Variants in IL36B observed in about 807,000 individuals in gnomAD.
IL36B encodes interleukin 36 beta.
IL36B carries 23 observed loss-of-function variants against 19.3 expected under a neutral mutation model. The observed-to-expected ratio is 1.19, with a 90% CI of 0.86 to 1.69. IL36B has a LOEUF of 1.69. Ranked by LOEUF, IL36B falls within the 40% of genes most tolerant of loss-of-function variation. IL36B has a pLI of 0.00. For missense variants in IL36B, 217 were observed against 200.5 expected (o/e 1.08, Z -0.50); for synonymous variants, 59 against 59.7 (o/e 0.99, Z 0.05).
rs1043147412 is a variant in IL36B at position 113,031,285 on chromosome 2, C to G, written c.14-130G>C. 3 of 678,142 alleles carry G rather than the reference C, an allele frequency of 4.4e-6. No individual in the cohort carries two copies. In the African/African-American group the frequency reaches 5.3e-5, roughly 12 times the overall value. 42.0% of individuals were successfully genotyped at this position (678,142 alleles called of 1,614,324 possible). ...TTGCTCTGAGAAGTAGTGGCTATAA[C>G]GATAAATGGAGGGGAAATAGGGCAG... is the stretch of plus-strand genomic sequence containing the variant. On this transcript the variant is annotated intron_variant, in intron 2 of 5. Coordinates refer to ENST00000259213, the MANE Select transcript of IL36B (RefSeq NM_014438.5).
intron 1 of IL36B, among the ~76,000 whole-genome samples, chr2:113,040,374 T>C (rs572208375): frequency 1.1e-4 from 17 of 152,356 alleles, no homozygotes; most frequent in Non-Finnish European, 2.2e-4. Context: ...TTTTCCACTT[T>C]TGTTCAACAT....
In IL36B at chr2:113,028,992, C is replaced by A. The variant is rs761943604; in HGVS notation, c.208G>T (p.Asp70Tyr). Residue 70 changes from aspartate (D) to tyrosine (Y), a missense_variant, in exon 4 of 6, where the codon GAT (aspartate) becomes TAT (tyrosine). Coordinates refer to ENST00000259213, the MANE Select transcript of IL36B (RefSeq NM_014438.5). ...ATTTCTGCACAGAAGAGACAGAGAT[C>A]TTTTCCCTTGATTCCCAGGTAAACC... is the stretch of plus-strand genomic sequence containing the variant. The A allele has an allele frequency of 1.2e-5, 19 of 1,614,054 alleles. No homozygotes were observed. The highest frequency in any genetic ancestry group is 3.3e-5 in the Admixed American group (2 of 60,012).
chr2:113,031,735 A>G lies in IL36B; in HGVS notation c.-26T>C. 6.3e-7 allele frequency: 1 copy of G among 1,592,926 alleles called. No homozygotes were observed. Among genetic ancestry groups the G allele is most frequent in the Admixed American group, 1.7e-5 (1 of 59,948 alleles). On this transcript the variant is annotated 5_prime_UTR_variant, in exon 2 of 6. Coordinates refer to ENST00000259213, the MANE Select transcript of IL36B (RefSeq NM_014438.5). ...GATGTCTTCAGAGCCTTTTGTGAAG[A>G]GAACAAGATAGATCAGATGGTGGTG... is the stretch of plus-strand genomic sequence containing the variant.
intron 1 of IL36B, among the ~76,000 whole-genome samples, chr2:113,050,393 G>A (rs750286865): frequency 2.3e-4 from 35 of 152,012 alleles, no homozygotes; most frequent in Non-Finnish European, 4.1e-4. Flanking sequence ...GGCGCCTAAA[G>A]CAGTCAAATT....
Position 113,031,103 on chromosome 2 carries a change from C to T in IL36B, c.66G>A (p.Trp22Ter). ...CTATTAAAGAATTTCCACTCAGGACCCACACCATCTGTCGAGAATCACGAA... is the reference window on the plus strand; with the variant it reads ...CTATTAAAGAATTTCCACTCAGGACTCACACCATCTGTCGAGAATCACGAA... Residue 22 changes from tryptophan (W) to a stop codon, truncating the protein, a stop_gained, in exon 3 of 6, where the codon TGG becomes TGA. Transcript: ENST00000259213. LOFTEE classifies it high-confidence loss of function. The T allele has an allele frequency of 6.2e-7, 1 of 1,614,158 alleles. No individual in the cohort carries two copies. Among genetic ancestry groups the T allele is most frequent in the Non-Finnish European group, 8.5e-7 (1 of 1,180,008 alleles).
At chr2:113,030,463 G>A (rs1685050647) in intron 3 of IL36B, among the ~76,000 whole-genome samples, 1 of 152,160 alleles carries the variant, frequency 6.6e-6, no homozygotes, top group South Asian at 2.1e-4. Flanking sequence ...ACAAGAAAAT[G>A]TGTTAGTAGG....
chr2:113,035,571 A>G (rs1685152185), intron 1 of IL36B, among the ~76,000 whole-genome samples: 1 of 152,206 alleles, frequency 6.6e-6, no homozygotes, highest in African/African-American at 2.4e-5. Flanking sequence ...AGGACCTGAT[A>G]TCCAGTGAGA....
chr2:113,035,852 T>C (rs1378465975), intron 1 of IL36B, among the ~76,000 whole-genome samples: 2 of 152,138 alleles, frequency 1.3e-5, no homozygotes, highest in East Asian at 1.9e-4. Context: ...GATCAGAGGA[T>C]TGAGATAAAA....
chr2:113,045,050 A>T (rs922320132), intron 1 of IL36B, among the ~76,000 whole-genome samples: 2 of 152,108 alleles, frequency 1.3e-5, no homozygotes, highest in Non-Finnish European at 2.9e-5. Context: ...ATTGTTTTTT[A>T]AATAATTATC....
At chr2:113,042,241 G>C (rs1004566656) in intron 1 of IL36B, among the ~76,000 whole-genome samples, 4 of 152,086 alleles carry the variant, frequency 2.6e-5, no homozygotes, top group Non-Finnish European at 5.9e-5. Flanking sequence ...TCACTATTCA[G>C]GGACACATAA....
At chr2:113,023,245 G>T (rs1684893950) in intron 5 of IL36B, among the ~76,000 whole-genome samples, 1 of 152,152 alleles carries the variant, frequency 6.6e-6, no homozygotes, top group South Asian at 2.1e-4. Context: ...CCAGCACTTA[G>T]AACAGCATAG....
At position 113,047,033 on chromosome 2, in the gene IL36B, C is replaced by T. The variant is rs575010389; in HGVS notation, c.-58+5784G>A. ...TATTTATTTATTTAGTCAGCTGGTG[C>T]TCACTGATATTTGTTTTATGTTTTA... On this transcript the variant is annotated intron_variant, in intron 1 of 5. Transcript: ENST00000259213. Among the ~76,000 whole-genome samples, 12 of 152,306 alleles carry T rather than the reference C, an allele frequency of 7.9e-5. No homozygotes were observed. The East Asian group carries it at 2.1e-3, about 27-fold the overall frequency.
chr2:113,028,903 G>C (rs1685014768), intron 4 of IL36B, 36 bp downstream of exon 4: 1 of 1,605,270 alleles, frequency 6.2e-7, no homozygotes, highest in Non-Finnish European at 8.5e-7. Flanking sequence ...AAGTCCATAT[G>C]ACAGTACTTC....
intron 1 of IL36B, among the ~76,000 whole-genome samples, chr2:113,049,405 A>G (rs142838220): frequency 6.6e-6 from 1 of 152,332 alleles, no homozygotes; most frequent in Non-Finnish European, 1.5e-5. Context: ...AGGGGTTGAC[A>G]TCTAGAATAT....
intron 1 of IL36B, among the ~76,000 whole-genome samples, chr2:113,037,390 C>G (rs1685183066): frequency 2.0e-5 from 3 of 152,190 alleles, no homozygotes; most frequent in Admixed American, 6.5e-5. Flanking sequence ...TGGCTCACAC[C>G]TGTAATCCCA....
intron 4 of IL36B, 52 bp downstream of exon 5, chr2:113,027,381 T>C: frequency 1.3e-6 from 1 of 762,438 alleles, no homozygotes; most frequent in Non-Finnish European, 1.6e-6. Flanking sequence ...TGTTCAAGGG[T>C]TAAGTGTATA....
intron 4 of IL36B, 21 bp from the exon 5 acceptor site, chr2:113,028,136 T>C: frequency 1.2e-6 from 2 of 1,604,544 alleles, no homozygotes; most frequent in South Asian, 1.1e-5. Flanking sequence ...AAAAGAGGCT[T>C]GTTAGAGAGG....
chr2:113,039,756 A>C (rs1219108824), intron 1 of IL36B, among the ~76,000 whole-genome samples: 1 of 152,244 alleles, frequency 6.6e-6, no homozygotes, highest in Non-Finnish European at 1.5e-5. Flanking sequence ...TTCTCCATTA[A>C]AAGAGACCTT....
chr2:113,031,005 G>A, intron 3 of IL36B, 43 bp downstream of exon 3: 4 of 1,358,850 alleles, frequency 2.9e-6, no homozygotes, highest in Non-Finnish European at 4.2e-6. Flanking sequence ...TGGTGAAGAT[G>A]GCATCACCTC....
Sources: gnomAD v4.1 joint callset for allele counts (sites outside exome capture counted in the v4.1 genomes callset) on GRCh38, gnomAD v4.1.1 for gene constraint, MANE v1.5 for transcripts, NCBI Gene and HGNC (gene_info 2026-07-23, HGNC 2026-07-21) for gene names.